Variants in CWC27 observed in about 807,000 individuals in gnomAD.
CWC27 encodes the protein spliceosome-associated protein CWC27 homolog.
CWC27 carries 47 observed loss-of-function variants against 63.6 expected under a neutral mutation model. That is an observed-to-expected ratio of 0.74 (90% CI 0.58 to 0.94). The LOEUF is 0.94. CWC27 is among the 40% of genes least tolerant of loss of function. CWC27 has a pLI of 0.00. For synonymous variants in CWC27, 175 were observed against 179.8 expected (o/e 0.97, Z 0.22); for missense variants, 495 against 554.3 (o/e 0.89, Z 1.07).
At chr5:64,860,878 G>A (rs190279068) in intron 10 of CWC27, among the ~76,000 whole-genome samples, 12 of 152,142 alleles carry the variant, frequency 7.9e-5, no homozygotes, top group South Asian at 2.1e-4. Flanking sequence ...GTATAATCCC[G>A]TTTCAGTTAT....
At chr5:64,926,471 GT>G (rs1748109873) in intron 11 of CWC27, among the ~76,000 whole-genome samples, 1 of 151,442 alleles carries the variant, frequency 6.6e-6, no homozygotes, top group African/African-American at 2.4e-5. Flanking sequence ...TTGACTTTCT[GT>G]TAATTAATCC....
intron 7 of CWC27, among the ~76,000 whole-genome samples, chr5:64,792,233 A>G (rs78969765): frequency 0.028 from 4,315 of 152,250 alleles, 217 homozygotes; most frequent in African/African-American, 0.098. Flanking sequence ...TTAAAAATTA[A>G]GAATCCTAGG....
intron 10 of CWC27, among the ~76,000 whole-genome samples, chr5:64,839,057 C>T (rs1745736948): frequency 6.6e-6 from 1 of 152,130 alleles, no homozygotes; most frequent in South Asian, 2.1e-4. Flanking sequence ...GGGCCATTTT[C>T]AGAACTTTAA....
chr5:64,780,718 C>CA (rs58592707), intron 2 of CWC27, among the ~76,000 whole-genome samples: 4 of 150,684 alleles, frequency 2.7e-5, no homozygotes, highest in East Asian at 3.9e-4. Context: ...CACACACACA[C>CA]CGGAATCATA....
chr5:64,909,754 C>T (rs1026552372), intron 11 of CWC27, among the ~76,000 whole-genome samples: 4 of 152,108 alleles, frequency 2.6e-5, no homozygotes, highest in Non-Finnish European at 5.9e-5. Flanking sequence ...GCATGTGTCA[C>T]GTAGTTCTCG....
intron 11 of CWC27, among the ~76,000 whole-genome samples, chr5:64,937,921 C>CTTTTTTTT (rs1211082437): frequency 2.0e-5 from 2 of 99,320 alleles, no homozygotes; most frequent in Non-Finnish European, 4.0e-5. Flanking sequence ...GCAATCTCTG[C>CTTTTTTTT]TTTTTTTTTT....
intron 10 of CWC27, among the ~76,000 whole-genome samples, chr5:64,823,247 C>T (rs1404342165): frequency 3.3e-5 from 5 of 152,180 alleles, no homozygotes; most frequent in Non-Finnish European, 7.4e-5. Context: ...ACCATTGATA[C>T]CACACAGTCC....
chr5:64,821,265 A>T (rs1015998022), intron 10 of CWC27, among the ~76,000 whole-genome samples: 10 of 152,032 alleles, frequency 6.6e-5, no homozygotes, highest in Admixed American at 5.2e-4. Context: ...TTGTATTTTT[A>T]GTAGAGACGG....
chr5:64,938,184 G>A (rs1254015899), intron 11 of CWC27, among the ~76,000 whole-genome samples: 10 of 151,940 alleles, frequency 6.6e-5, no homozygotes, highest in Non-Finnish European at 1.5e-4. Context: ...TAGTTGATGC[G>A]GTATCTTCAT....
chr5:64,863,646 C>T (rs144024925), intron 10 of CWC27, among the ~76,000 whole-genome samples: 9 of 152,184 alleles, frequency 5.9e-5, no homozygotes, highest in Non-Finnish European at 1.3e-4. Context: ...GGGAACGCAC[C>T]ATCATGCCTT....
intron 10 of CWC27, among the ~76,000 whole-genome samples, chr5:64,830,315 C>G (rs533569678): frequency 6.6e-6 from 1 of 152,108 alleles, no homozygotes; most frequent in East Asian, 1.9e-4. Flanking sequence ...CTGACAAAAA[C>G]AAGAAATGGG....
chr5:64,933,335 T>C (rs1452593188), intron 11 of CWC27, among the ~76,000 whole-genome samples: 1 of 152,222 alleles, frequency 6.6e-6, no homozygotes, highest in Non-Finnish European at 1.5e-5. Flanking sequence ...GAAGAGATAG[T>C]TACTTTTAGT....
rs539501948 is a variant in CWC27, at chr5:64,956,721, T to C, written c.1043-14982T>C. 7.7e-4 allele frequency among the ~76,000 whole-genome samples: 118 copies of C among 152,288 alleles called. 1 individual carries two copies. Among genetic ancestry groups the C allele is most frequent in the African/African-American group, 2.5e-3 (106 of 41,576 alleles). On this transcript the variant is annotated intron_variant, in intron 11 of 13. Transcript: ENST00000381070. ...ATAGTACCACCTACCACCATAACTG[T>C]TTGCACTAAATAGAGTAGAAAAAGG...
At chr5:64,992,378 A>C (rs1749551542) in intron 13 of CWC27, among the ~76,000 whole-genome samples, 1 of 152,188 alleles carries the variant, frequency 6.6e-6, no homozygotes, top group African/African-American at 2.4e-5. Context: ...AGCTTCTACC[A>C]GCAGTGATTC....
chr5:64,984,663 T>G (rs1175231162), intron 13 of CWC27, among the ~76,000 whole-genome samples: 1 of 152,228 alleles, frequency 6.6e-6, no homozygotes, highest in Non-Finnish European at 1.5e-5. Context: ...TTCTTACTGT[T>G]GAGTTTCAAG....
At chr5:64,973,350 G>A (rs771042109) in intron 12 of CWC27, among the ~76,000 whole-genome samples, 1 of 152,178 alleles carries the variant, frequency 6.6e-6, no homozygotes, top group Admixed American at 6.5e-5. Flanking sequence ...ACTGGATACA[G>A]GACAGGACCA....
chr5:64,925,128 A>G (rs1262282493), intron 11 of CWC27, among the ~76,000 whole-genome samples: 1 of 152,190 alleles, frequency 6.6e-6, no homozygotes, highest in Non-Finnish European at 1.5e-5. Context: ...TAGTTTCTTT[A>G]TTTGTAAATG....
chr5:64,997,806 C>T (rs1292390831), intron 13 of CWC27, among the ~76,000 whole-genome samples: 1 of 152,080 alleles, frequency 6.6e-6, no homozygotes, highest in African/African-American at 2.4e-5. Context: ...GATATCATCA[C>T]TTTGGAGAAC....
intron 13 of CWC27, among the ~76,000 whole-genome samples, chr5:64,992,400 A>AC (rs2112459344): frequency 6.6e-6 from 1 of 152,332 alleles, no homozygotes; most frequent in South Asian, 2.1e-4. Context: ...AACCCGAAGT[A>AC]CTAATCACTA....
Sources: allele counts gnomAD v4.1 joint callset (sites outside exome capture counted in the v4.1 genomes callset), GRCh38; gene constraint gnomAD v4.1.1; transcripts MANE v1.5; gene names NCBI Gene and HGNC (gene_info 2026-07-23, HGNC 2026-07-21).